DPYD: variants seen among roughly 807,000 people sequenced by gnomAD.
DPYD encodes dihydropyrimidine dehydrogenase [NADP(+)].
In DPYD, 109 loss-of-function variants were observed where a neutral mutation model predicts 116.2. The observed-to-expected ratio is 0.94, with a 90% CI of 0.80 to 1.10. The LOEUF is 1.10. Ranked by LOEUF, DPYD falls within the 50% of genes least tolerant of loss-of-function variation. The probability of loss-of-function intolerance (pLI) is 0.00; values close to 1 mark genes in which losing one functional copy is unlikely to be tolerated. For missense variants in DPYD, 1,302 were observed against 1,254.5 expected (o/e 1.04, Z -0.57); for synonymous variants, 440 against 432.0 (o/e 1.02, Z -0.23).
chr1:97,277,392 C>CA (rs1665009563), intron 18 of DPYD, among the ~76,000 whole-genome samples: 1 of 151,354 alleles, frequency 6.6e-6, no homozygotes, highest in Non-Finnish European at 1.5e-5. Flanking sequence ...AAAGAGAACA[C>CA]AAAAAACACA....
intron 6 of DPYD, among the ~76,000 whole-genome samples, chr1:97,694,383 T>G (rs1571203433): frequency 6.6e-6 from 1 of 152,280 alleles, no homozygotes; most frequent in Non-Finnish European, 1.5e-5. Context: ...ATGACAAATG[T>G]AAAATACTAA....
chr1:97,454,629 A>G (rs926989641), intron 13 of DPYD, among the ~76,000 whole-genome samples: 3 of 151,946 alleles, frequency 2.0e-5, no homozygotes, highest in African/African-American at 7.2e-5. Flanking sequence ...CCATTATAAC[A>G]TCAAGTATTA....
intron 21 of DPYD, chr1:97,095,821 T>C (rs1229504796): frequency 6.6e-6 from 1 of 152,152 alleles, no homozygotes; most frequent in Non-Finnish European, 1.5e-5. Context: ...TCAGCTACTA[T>C]TTTGTTTTTT....
chr1:97,089,312 C>A (rs1209417870), intron 21 of DPYD, among the ~76,000 whole-genome samples: 1 of 152,194 alleles, frequency 6.6e-6, no homozygotes, highest in Non-Finnish European at 1.5e-5. Context: ...TCTTGGCAGA[C>A]TCTCAAGTCT....
chr1:97,540,387 CAA>C (rs1235963195), intron 12 of DPYD, among the ~76,000 whole-genome samples: 2 of 146,358 alleles, frequency 1.4e-5, no homozygotes, highest in African/African-American at 5.0e-5. Context: ...CAAAACAAAA[CAA>C]AACAAAAACC....
intron 16 of DPYD, among the ~76,000 whole-genome samples, chr1:97,373,082 A>G (rs1671388519): frequency 6.6e-6 from 1 of 152,336 alleles, no homozygotes; most frequent in South Asian, 2.1e-4. Context: ...CAAAAATAAA[A>G]ATAGCATCAA....
At chr1:97,186,013 C>T (rs11589971) in intron 20 of DPYD, among the ~76,000 whole-genome samples, 4 of 152,032 alleles carry the variant, frequency 2.6e-5, no homozygotes, top group Non-Finnish European at 4.4e-5. Context: ...ATAGAAGATA[C>T]AAAACTTTTA....
chr1:97,287,543 A>G (rs1170709396), intron 18 of DPYD, among the ~76,000 whole-genome samples: 1 of 152,188 alleles, frequency 6.6e-6, no homozygotes, highest in Non-Finnish European at 1.5e-5. Context: ...TGGAGCCTAC[A>G]GAGGCAGGCA....
At chr1:97,316,351 A>T (rs1195851766) in intron 16 of DPYD, among the ~76,000 whole-genome samples, 5 of 150,396 alleles carry the variant, frequency 3.3e-5, no homozygotes, top group Non-Finnish European at 5.9e-5. Flanking sequence ...AGAAAAAAAA[A>T]AACAAAAAAA....
At chr1:97,206,670 A>AAAATC (rs1659641898) in intron 19 of DPYD, among the ~76,000 whole-genome samples, 1 of 109,700 alleles carries the variant, frequency 9.1e-6, no homozygotes, top group Admixed American at 9.0e-5. Context: ...ATATATATAT[A>AAAATC]TATATATATA....
chr1:97,486,470 T>C (rs1678642632), intron 13 of DPYD, among the ~76,000 whole-genome samples: 1 of 152,122 alleles, frequency 6.6e-6, no homozygotes, highest in South Asian at 2.1e-4. Flanking sequence ...AATACAGAAC[T>C]TAAGCCATGG....
intron 8 of DPYD, among the ~76,000 whole-genome samples, chr1:97,607,817 AC>A (rs1655696031): frequency 6.6e-6 from 1 of 151,942 alleles, no homozygotes; most frequent in Non-Finnish European, 1.5e-5. Context: ...CACTATGTAC[AC>A]TGTAAAGCAC....
intron 20 of DPYD, among the ~76,000 whole-genome samples, chr1:97,134,802 G>A (rs956158457): frequency 6.6e-6 from 1 of 151,996 alleles, no homozygotes; most frequent in Non-Finnish European, 1.5e-5. Context: ...AGTAGCCCTC[G>A]GCATAATGAT....
intron 14 of DPYD, among the ~76,000 whole-genome samples, chr1:97,389,442 T>A (rs1672551725): frequency 6.8e-6 from 1 of 147,972 alleles, no homozygotes; most frequent in African/African-American, 2.5e-5. Flanking sequence ...TTAGTAAAAA[T>A]CAAAGGACAA....
chr1:97,730,336 C>T (rs1022522447), intron 4 of DPYD, among the ~76,000 whole-genome samples: 2 of 152,124 alleles, frequency 1.3e-5, no homozygotes, highest in African/African-American at 4.8e-5. Context: ...ATTCTGCTGC[C>T]TCAGTCTCAC....
At chr1:97,455,677 G>C (rs1676643692) in intron 13 of DPYD, among the ~76,000 whole-genome samples, 1 of 151,818 alleles carries the variant, frequency 6.6e-6, no homozygotes, top group South Asian at 2.1e-4. Flanking sequence ...CCAGTTTCTA[G>C]AACAATTGCG....
chr1:97,545,619 A>G (rs1326148618), intron 12 of DPYD: 3 of 599,022 alleles, frequency 5.0e-6, no homozygotes, highest in Non-Finnish European at 8.9e-6. Context: ...CTGCTGGATT[A>G]TGCAAGAGAG....
chr1:97,290,236 A>T (rs1192911373), intron 18 of DPYD, among the ~76,000 whole-genome samples: 2 of 152,176 alleles, frequency 1.3e-5, no homozygotes, highest in African/African-American at 4.8e-5. Context: ...GGAAGAATCA[A>T]TATCGTGAAA....
In DPYD at chr1:97,699,625, G is replaced by A. The variant is rs1160503388; in HGVS notation, c.484-78C>T. 13 of 1,412,500 alleles carry A rather than the reference G, an allele frequency of 9.2e-6. No homozygotes were observed. In the African/African-American group the frequency reaches 1.1e-4, roughly 12 times the overall value. The allele number at this position is 1,412,500 out of a possible 1,614,324, so 87.5% of individuals were successfully genotyped here. A position where few individuals can be genotyped will look rare whatever the true frequency, so the allele number is the denominator to read the frequency against. Reference sequence around the variant, plus strand: ...CAAACATATTTTTAATGTTTCAAACGAATTCTTGTTTTAAATAGCAATGAG... The same window carrying A: ...CAAACATATTTTTAATGTTTCAAACAAATTCTTGTTTTAAATAGCAATGAG... On this transcript the variant is annotated intron_variant, in intron 5 of 22. Coordinates refer to ENST00000370192, the MANE Select transcript of DPYD (RefSeq NM_000110.4).
Sources: allele counts gnomAD v4.1 joint callset (sites outside exome capture counted in the v4.1 genomes callset), GRCh38; gene constraint gnomAD v4.1.1; transcripts MANE v1.5; gene names NCBI Gene and HGNC (gene_info 2026-07-23, HGNC 2026-07-21).